ZFYVE28: variants seen among roughly 807,000 people sequenced by gnomAD.
ZFYVE28 encodes zinc finger FYVE-type containing 28.
In ZFYVE28, 40 loss-of-function variants were observed where a neutral mutation model predicts 82.1. The observed-to-expected ratio is 0.49, with a 90% confidence interval of 0.38 to 0.63. ZFYVE28 has a LOEUF of 0.63. Among genes scored for constraint, ZFYVE28 ranks in the 30% least tolerant of loss-of-function variants. ZFYVE28 has a pLI of 0.00. For missense variants in ZFYVE28, 1,321 were observed against 1,242.1 expected (o/e 1.06, Z -0.96); for synonymous variants, 612 against 546.1 (o/e 1.12, Z -1.68).
intron 8 of ZFYVE28, among the ~76,000 whole-genome samples, chr4:2,303,960 G>A (rs2108822015): frequency 6.6e-6 from 1 of 152,380 alleles, no homozygotes; most frequent in Middle Eastern, 3.4e-3. Flanking sequence ...CACACCAGGG[G>A]CGGGATGGGC....
Position 2,341,563 on chromosome 4 carries a change from T to A in ZFYVE28, c.233A>T (p.Asp78Val), listed in dbSNP as rs757885696. 6.2e-7 allele frequency: 1 copy of A among 1,613,880 alleles called. No individual in the cohort carries two copies. Among genetic ancestry groups the A allele is most frequent in the Non-Finnish European group, 8.5e-7 (1 of 1,179,948 alleles). Residue 78 changes from aspartate to valine, a missense_variant, in exon 3 of 13, where the codon GAC becomes GTC. Transcript: ENST00000290974. This position sits in a 1 kb window ranked among gnomAD's most constrained non-coding sequence, Gnocchi z 4.5. ...GACGCAGAAATCTCTGGGGGCGCGG[T>A]CCTGGGGGATGCACTCATCCATGAT... is the stretch of plus-strand genomic sequence containing the variant. ...NQIMDECIPQDRAPRDFCVKF... is the reference protein window; with the variant it reads ...NQIMDECIPQVRAPRDFCVKF...
At chr4:2,351,054 A>G (rs1724352316) in intron 2 of ZFYVE28, among the ~76,000 whole-genome samples, 2 of 152,176 alleles carry the variant, frequency 1.3e-5, no homozygotes, top group Admixed American at 6.5e-5. Flanking sequence ...GGGAGCCCCG[A>G]TTTATAGCCA....
intron 8 of ZFYVE28, among the ~76,000 whole-genome samples, chr4:2,275,826 C>T (rs970188745): frequency 2.0e-5 from 3 of 152,280 alleles, no homozygotes; most frequent in African/African-American, 7.2e-5. Context: ...CTGCGTCTGT[C>T]TGCAGAGATG....
At chr4:2,280,816 CA>C (rs962613128) in intron 8 of ZFYVE28, among the ~76,000 whole-genome samples, 13 of 152,354 alleles carry the variant, frequency 8.5e-5, no homozygotes, top group Middle Eastern at 3.4e-3. Flanking sequence ...TTCAGCCCCG[CA>C]GCTCCAGCCC....
intron 4 of ZFYVE28, among the ~76,000 whole-genome samples, chr4:2,337,910 C>T (rs1052137449): frequency 6.6e-6 from 1 of 150,658 alleles, no homozygotes; most frequent in Non-Finnish European, 1.5e-5. Flanking sequence ...CATCCCATTT[C>T]GGCAGTTTCA....
chr4:2,347,276 G>A (rs1371812615), intron 2 of ZFYVE28, among the ~76,000 whole-genome samples: 5 of 152,106 alleles, frequency 3.3e-5, no homozygotes, highest in Non-Finnish European at 5.9e-5. Context: ...ACCTTCAAGC[G>A]GCATGAAGTA....
At chr4:2,354,901 C>T (rs1167232058) in intron 1 of ZFYVE28, among the ~76,000 whole-genome samples, 2 of 152,116 alleles carry the variant, frequency 1.3e-5, no homozygotes, top group East Asian at 1.9e-4. Flanking sequence ...ACACACCCCC[C>T]ACTTCTCTAG....
At chr4:2,338,318 T>G (rs1164844454) in intron 4 of ZFYVE28, among the ~76,000 whole-genome samples, 1 of 152,090 alleles carries the variant, frequency 6.6e-6, no homozygotes, top group Non-Finnish European at 1.5e-5. Flanking sequence ...CCAGGTGCAG[T>G]AGCTCACGCC....
At chr4:2,400,473 GGAGT>G (rs1266994982) in intron 1 of ZFYVE28, among the ~76,000 whole-genome samples, 2 of 152,044 alleles carry the variant, frequency 1.3e-5, no homozygotes, top group Non-Finnish European at 2.9e-5. Context: ...AGCCACCCCA[GGAGT>G]GAGTGTCATG....
intron 6 of ZFYVE28, among the ~76,000 whole-genome samples, chr4:2,323,508 A>C (rs1242059909): frequency 6.6e-6 from 1 of 152,030 alleles, no homozygotes; most frequent in East Asian, 1.9e-4. Flanking sequence ...TTTTCTTTAT[A>C]ATGTCCTCTG....
chr4:2,353,861 G>T, intron 2 of ZFYVE28, 72 bp downstream of exon 2: 1 of 1,324,486 alleles, frequency 7.6e-7, no homozygotes, highest in Non-Finnish European at 9.7e-7. Flanking sequence ...ACAAAGCCTT[G>T]GTCTACTGAG....
intron 8 of ZFYVE28, chr4:2,286,651 T>TG (rs1712791382): frequency 6.6e-6 from 1 of 152,214 alleles, no homozygotes; most frequent in African/African-American, 2.4e-5. Flanking sequence ...AGCTGAGACG[T>TG]GGGCTCTTGG....
chr4:2,402,627 G>A (rs1274012686), intron 1 of ZFYVE28, among the ~76,000 whole-genome samples: 1 of 152,178 alleles, frequency 6.6e-6, no homozygotes, highest in Non-Finnish European at 1.5e-5. Context: ...GAGCGGGCAG[G>A]GAACGCGGTA....
intron 12 of ZFYVE28, 91 bp downstream of exon 12, chr4:2,271,220 C>G: frequency 7.4e-7 from 1 of 1,354,950 alleles, no homozygotes; most frequent in Non-Finnish European, 1.0e-6. Context: ...GCTGGCCTCC[C>G]TGGGCATCGG....
At chr4:2,318,386 C>T (rs1475088549) in intron 7 of ZFYVE28, among the ~76,000 whole-genome samples, 3 of 152,120 alleles carry the variant, frequency 2.0e-5, no homozygotes, top group Non-Finnish European at 4.4e-5. Context: ...GGTGAAACCC[C>T]GTCTCTACTA....
intron 1 of ZFYVE28, among the ~76,000 whole-genome samples, chr4:2,399,925 A>G (rs1382412638): frequency 6.6e-6 from 1 of 152,220 alleles, no homozygotes; most frequent in Non-Finnish European, 1.5e-5. Flanking sequence ...CAGGGCGCCC[A>G]CCGTGGCCAC....
Position 2,320,037 on chromosome 4 carries a change from G to T in ZFYVE28, c.803+133C>A, listed in dbSNP as rs905010316. On this transcript the variant is annotated intron_variant, in intron 7 of 12. Coordinates refer to ENST00000290974, the MANE Select transcript of ZFYVE28 (RefSeq NM_020972.3). This position sits in a 1 kb window ranked among gnomAD's most constrained non-coding sequence, Gnocchi z 5.1. ...GGGTCGTTTGTGACCCCTCCCTAGGGAATATTAACCAGCCCATCCTTCCTC... is the reference window on the plus strand; with the variant it reads ...GGGTCGTTTGTGACCCCTCCCTAGGTAATATTAACCAGCCCATCCTTCCTC... 1.1e-4 allele frequency: 99 copies of T among 864,690 alleles called. No homozygotes were observed. The highest frequency in any genetic ancestry group is 1.7e-4 in the Non-Finnish European group (95 of 553,248). The allele number at this position is 864,690 out of a possible 1,614,324, so 53.6% of individuals were successfully genotyped here. A position where few individuals can be genotyped will look rare whatever the true frequency, so the allele number is the denominator to read the frequency against.
Position 2,335,678 on chromosome 4 carries a change from G to C in ZFYVE28, c.701+27C>G. On this transcript the variant is annotated intron_variant, in intron 6 of 12. Coordinates refer to ENST00000290974, the MANE Select transcript of ZFYVE28 (RefSeq NM_020972.3). The surrounding 1 kb of genome is among the most constrained non-coding windows in gnomAD (Gnocchi z 5.8). ...CCTGCCCGTCCCGCAGGTTTCTGCA[G>C]AGGTCCTGGGCACAGGAGGCACTCA... 1.3e-6 allele frequency: 2 copies of C among 1,557,784 alleles called. No individual in the cohort carries two copies. The highest frequency in any genetic ancestry group is 4.8e-5 in the East Asian group (2 of 41,924).
intron 10 of ZFYVE28, among the ~76,000 whole-genome samples, chr4:2,272,194 C>T (rs1399820273): frequency 6.6e-6 from 1 of 152,138 alleles, no homozygotes; most frequent in Non-Finnish European, 1.5e-5. Context: ...GGTGTGGATT[C>T]GGCAGGGCAG....
Sources: allele counts gnomAD v4.1 joint callset (sites outside exome capture counted in the v4.1 genomes callset), GRCh38; gene constraint gnomAD v4.1.1; non-coding constraint Gnocchi (gnomAD v3.1); transcripts MANE v1.5; gene names NCBI Gene and HGNC (gene_info 2026-07-23, HGNC 2026-07-21).